The following ZFP92 variants were observed in gnomAD, a reference collection of about 807,000 sequenced individuals.
ZFP92 encodes the protein zinc finger protein 92 homolog.
In ZFP92, 2 loss-of-function variants were observed where a neutral mutation model predicts 7.6. The observed-to-expected ratio is 0.26, with a 90% CI of 0.11 to 0.83. ZFP92 has a LOEUF of 0.83. Among genes scored for constraint, ZFP92 ranks in the 40% least tolerant of loss-of-function variants. The pLI, the probability that ZFP92 is intolerant of heterozygous loss-of-function variation, is 0.65. For missense variants in ZFP92, 324 were observed against 408.3 expected (o/e 0.79, Z 1.78); for synonymous variants, 226 against 183.6 (o/e 1.23, Z -1.87).
At chrX:153,420,060 C>T (rs1268633479) in intron 4 of ZFP92, among the ~76,000 whole-genome samples, 168 bp from the exon 5 acceptor site, 3 of 112,592 alleles carry the variant, frequency 2.7e-5, no homozygotes, top group African/African-American at 9.7e-5. Flanking sequence ...CGCGCAGGAG[C>T]CCTTGCCCTC....
rs1222762516 is a variant in ZFP92 at position 153,420,269 on chromosome X, C to G, written c.202C>G (p.Arg68Gly). ...SKPHLISQLE[R>G]GEGPWVADIP... is the part of the protein sequence containing the mutation. Reference sequence around the variant, plus strand: ...GCCTCACCTGATCTCCCAATTGGAACGAGGGGAAGGACCCTGGGTAGCAGA... The same window carrying G: ...GCCTCACCTGATCTCCCAATTGGAAGGAGGGGAAGGACCCTGGGTAGCAGA... The change falls in exon 5 of 6, where the codon CGA becomes GGA. Residue 68 changes from arginine to glycine, a missense_variant. Coordinates refer to ENST00000338647, the MANE Select transcript of ZFP92 (RefSeq NM_001136273.2). 8.6e-7 allele frequency: 1 copy of G among 1,166,057 alleles called. No individual in the cohort carries two copies. Among genetic ancestry groups the G allele is most frequent in the Non-Finnish European group, 1.1e-6 (1 of 872,644 alleles).
chrX:153,418,016 C>T (rs781914849), intron 2 of ZFP92, among the ~76,000 whole-genome samples: 2 of 111,962 alleles, frequency 1.8e-5, no homozygotes, highest in South Asian at 7.5e-4. Flanking sequence ...TTCAGTGGAG[C>T]GGGGGCCTGC....
At position 153,421,094 on chromosome X, in the gene ZFP92, C is replaced by T; in HGVS notation, c.717C>T (p.Gly239=). Residue 239 remains glycine, a synonymous_variant, in exon 6 of 6, where the codon GGC becomes GGT. Transcript: ENST00000338647. ...IHSGERPFAC[G]DCGKLFRRSF... is the part of the protein sequence containing the mutation. ...GCGGCGAGCGGCCCTTCGCCTGCGGCGACTGCGGCAAACTGTTCCGCCGCA... is the reference window on the plus strand; with the variant it reads ...GCGGCGAGCGGCCCTTCGCCTGCGGTGACTGCGGCAAACTGTTCCGCCGCA... The T allele has an allele frequency of 8.5e-7, 1 of 1,179,392 alleles. No homozygotes were observed. Among genetic ancestry groups the T allele is most frequent in the Non-Finnish European group, 1.1e-6 (1 of 879,478 alleles).
intron 2 of ZFP92, among the ~76,000 whole-genome samples, chrX:153,416,792 G>C (rs1180974942): frequency 8.9e-6 from 1 of 111,819 alleles, no homozygotes; most frequent in African/African-American, 3.3e-5. Flanking sequence ...GGATTTTGCT[G>C]GCTGGAAAGT....
At position 153,421,565 on chromosome X, in the gene ZFP92, G is replaced by T. The variant is rs2089004735; in HGVS notation, c.1188G>T (p.Val396=). 9.3e-7 allele frequency: 1 copy of T among 1,072,155 alleles called. No homozygotes were observed. The highest frequency in any genetic ancestry group is 3.9e-5 in the Admixed American group (1 of 25,338). 88.4% of individuals were successfully genotyped at this position (1,072,155 alleles called of 1,213,427 possible). Reference sequence around the variant, plus strand: ...GGAGCACCGGCCCTGGGAGCGCGGTGGCGGCCACCAGCCCCCCGCGGCCGA... The same window carrying T: ...GGAGCACCGGCCCTGGGAGCGCGGTTGCGGCCACCAGCCCCCCGCGGCCGA... ...GPGSTGPGSA[V]AATSPPRPST... is the part of the protein sequence containing the mutation. Residue 396 remains valine (V), a synonymous_variant, in exon 6 of 6, where the codon GTG becomes GTT. Transcript: ENST00000338647.
chrX:153,417,730 G>T (rs1282112522), intron 2 of ZFP92, among the ~76,000 whole-genome samples: 1 of 112,086 alleles, frequency 8.9e-6, no homozygotes, highest in African/African-American at 3.3e-5. Context: ...AGTGTCCTGG[G>T]TTTGAATGGT....
In ZFP92 at chrX:153,421,015, G is replaced by A; in HGVS notation, c.638G>A (p.Cys213Tyr). The A allele has an allele frequency of 8.3e-7, 1 of 1,201,302 alleles. No homozygotes were observed. Among genetic ancestry groups the A allele is most frequent in the Non-Finnish European group, 1.1e-6 (1 of 889,901 alleles). ...SGEKPYACPE[C>Y]SKTFTRSSNL... ...GAGAAGCCCTACGCCTGCCCCGAGTGCAGCAAGACCTTCACGCGCAGCTCC... is the reference window on the plus strand; with the variant it reads ...GAGAAGCCCTACGCCTGCCCCGAGTACAGCAAGACCTTCACGCGCAGCTCC... The change falls in exon 6 of 6, where the codon TGC (cysteine) becomes TAC (tyrosine). Residue 213 changes from cysteine (C) to tyrosine (Y), a missense_variant. Coordinates refer to ENST00000338647, the MANE Select transcript of ZFP92 (RefSeq NM_001136273.2).
chrX:153,413,712 G>A (rs1016354449), intron 2 of ZFP92, among the ~76,000 whole-genome samples: 1 of 111,906 alleles, frequency 8.9e-6, no homozygotes, highest in Non-Finnish European at 1.9e-5. Flanking sequence ...CTCTAGTTCC[G>A]CCAGGTGCCT....
Position 153,418,800 on chromosome X carries a change from G to A in ZFP92, c.160+1G>A. ...AACTATAGCCATTTGGTGTCACTGG[G>A]TAAGTGATCCCTCCACGACATACAC... On this transcript the variant is annotated splice_donor_variant, in intron 4 of 5. Coordinates refer to ENST00000338647, the MANE Select transcript of ZFP92 (RefSeq NM_001136273.2). LOFTEE classifies it high-confidence loss of function. The A allele has an allele frequency of 1.7e-6, 2 of 1,166,870 alleles. No individual in the cohort carries two copies. Among genetic ancestry groups the A allele is most frequent in the Non-Finnish European group, 2.3e-6 (2 of 872,775 alleles).
rs1286046139 is a variant in ZFP92 at position 153,421,683 on chromosome X, G to A, written c.*55G>A. On this transcript the variant is annotated 3_prime_UTR_variant, in exon 6 of 6. Transcript: ENST00000338647. The stretch of plus-strand genomic sequence containing the variant: ...GGTCTGCGTGGGGGGCCTTCCTGGG[G>A]ACGTCGAGGCTCAGCCCCCTTCAGG... 193 of 924,517 alleles carry A rather than the reference G, an allele frequency of 2.1e-4. 2 individuals carry two copies. Among genetic ancestry groups the A allele is most frequent in the Non-Finnish European group, 2.4e-4 (183 of 748,180 alleles). The allele number at this position is 924,517 out of a possible 1,213,427, so 76.2% of individuals were successfully genotyped here.
intron 2 of ZFP92, 23 bp from the exon 3 acceptor site, chrX:153,418,282 G>C: frequency 2.6e-6 from 3 of 1,167,032 alleles, no homozygotes; most frequent in Non-Finnish European, 3.4e-6. Flanking sequence ...GGGCTCACAG[G>C]GGGCTCTTTG....
chrX:153,415,297 G>A (rs190041009), intron 2 of ZFP92, among the ~76,000 whole-genome samples: 25 of 112,724 alleles, frequency 2.2e-4, no homozygotes, highest in Admixed American at 2.0e-3. Context: ...AGGTCAAGAC[G>A]GCTCTTGGGA....
Position 153,422,362 on chromosome X carries a change from C to T in ZFP92, c.*734C>T, listed in dbSNP as rs1288115103. 2 of 111,930 alleles carry T rather than the reference C, an allele frequency of 1.8e-5. No homozygotes were observed. The highest frequency in any genetic ancestry group is 3.2e-5 in the African/African-American group (1 of 30,805). 9.2% of individuals were successfully genotyped at this position (111,930 alleles called of 1,213,427 possible). A position where few individuals can be genotyped will look rare whatever the true frequency, so the allele number is the denominator to read the frequency against. On this transcript the variant is annotated 3_prime_UTR_variant, in exon 6 of 6. Coordinates refer to ENST00000338647, the MANE Select transcript of ZFP92 (RefSeq NM_001136273.2). Reference sequence around the variant, plus strand: ...CTGGGAGGAGGAGCAGCGCCCAGGCCCCATCATCCCTGAGCACCAGTGGTT... The same window carrying T: ...CTGGGAGGAGGAGCAGCGCCCAGGCTCCATCATCCCTGAGCACCAGTGGTT...
In ZFP92 at chrX:153,421,069, G is replaced by A. The variant is rs1556974932; in HGVS notation, c.692G>A (p.Ser231Asn). 3.4e-6 allele frequency: 4 copies of A among 1,187,910 alleles called. No individual in the cohort carries two copies. The highest frequency in any genetic ancestry group is 4.5e-6 in the Non-Finnish European group (4 of 883,390). Residue 231 changes from serine (S) to asparagine (N), a missense_variant, in exon 6 of 6, where the codon AGC becomes AAC. Coordinates refer to ENST00000338647, the MANE Select transcript of ZFP92 (RefSeq NM_001136273.2). ...CTCATCAAGCACCAGGTCATCCACA[G>A]CGGCGAGCGGCCCTTCGCCTGCGGC... is the stretch of plus-strand genomic sequence containing the variant. ...SNLIKHQVIH[S>N]GERPFACGDC...
intron 2 of ZFP92, among the ~76,000 whole-genome samples, chrX:153,414,194 G>A (rs1463299269): frequency 1.8e-5 from 2 of 112,385 alleles, no homozygotes; most frequent in Non-Finnish European, 3.8e-5. Context: ...CAAATTATCA[G>A]TAATACCTCC....
intron 4 of ZFP92, among the ~76,000 whole-genome samples, chrX:153,419,858 G>C (rs1377278278): frequency 8.9e-6 from 1 of 112,025 alleles, no homozygotes; most frequent in Non-Finnish European, 1.9e-5. Context: ...TCAGCTTTCG[G>C]GGCCTATGGC....
chrX:153,418,640 T>A, intron 3 of ZFP92, 33 bp from the exon 4 acceptor site: 1 of 1,163,038 alleles, frequency 8.6e-7, no homozygotes, highest in Non-Finnish European at 1.1e-6. Context: ...GGGGGTTGAA[T>A]TCCCCTGTGG....
intron 4 of ZFP92, among the ~76,000 whole-genome samples, chrX:153,419,793 G>C (rs2088983221): frequency 2.7e-5 from 3 of 112,515 alleles, no homozygotes; most frequent in African/African-American, 9.7e-5. Flanking sequence ...CAGACCTGGG[G>C]TTCCAGGGAG....
At position 153,424,146 on chromosome X, in the gene ZFP92, T is replaced by C. The variant is rs2089027020; in HGVS notation, c.*2518T>C. On this transcript the variant is annotated 3_prime_UTR_variant, in exon 6 of 6. Coordinates refer to ENST00000338647, the MANE Select transcript of ZFP92 (RefSeq NM_001136273.2). The stretch of plus-strand genomic sequence containing the variant: ...CAGGACCTACCCAAGACTGTCTAGA[T>C]ACTGGCAGGACAAGGTACAGGAGTT... The C allele has an allele frequency of 8.9e-6, 1 of 112,066 alleles. No homozygotes were observed. The highest frequency in any genetic ancestry group is 9.4e-5 in the Admixed American group (1 of 10,595). 9.2% of individuals were successfully genotyped at this position (112,066 alleles called of 1,213,427 possible).
Sources: gnomAD v4.1 joint callset for allele counts (sites outside exome capture counted in the v4.1 genomes callset) on GRCh38, gnomAD v4.1.1 for gene constraint, MANE v1.5 for transcripts, NCBI Gene and HGNC (gene_info 2026-07-23, HGNC 2026-07-21) for gene names.